Variants in TBC1D22A observed in about 807,000 individuals in gnomAD.
TBC1D22A encodes the protein TBC1 domain family member 22A.
In TBC1D22A, 38 loss-of-function variants were observed where a neutral mutation model predicts 60.2. That is an observed-to-expected ratio of 0.63 (90% CI 0.49 to 0.83). TBC1D22A has a LOEUF of 0.83. Among genes scored for constraint, TBC1D22A ranks in the 40% least tolerant of loss-of-function variants. TBC1D22A has a pLI of 0.00. For synonymous variants in TBC1D22A, 302 were observed against 281.7 expected (o/e 1.07, Z -0.72); for missense variants, 628 against 701.0 (o/e 0.90, Z 1.18).
intron 12 of TBC1D22A, among the ~76,000 whole-genome samples, chr22:47,136,249 G>A (rs373959027): frequency 6.6e-6 from 1 of 152,212 alleles, no homozygotes; most frequent in Non-Finnish European, 1.5e-5. Context: ...CCTAGGAGCA[G>A]TGAGGGTCCT....
chr22:47,000,334 G>T (rs549467952), intron 10 of TBC1D22A, among the ~76,000 whole-genome samples: 2 of 152,232 alleles, frequency 1.3e-5, no homozygotes, highest in South Asian at 4.2e-4. Flanking sequence ...AGGGCAGATC[G>T]GAAGAGGGGC....
At chr22:46,815,962 C>G (rs184489875) in intron 4 of TBC1D22A, among the ~76,000 whole-genome samples, 1 of 152,136 alleles carries the variant, frequency 6.6e-6, no homozygotes, top group African/African-American at 2.4e-5. Flanking sequence ...GCAGGTAGGT[C>G]CCACTGCAGC....
At chr22:47,024,422 C>T (rs549528694) in intron 10 of TBC1D22A, among the ~76,000 whole-genome samples, 66 of 152,216 alleles carry the variant, frequency 4.3e-4, no homozygotes, top group African/African-American at 1.5e-3. Context: ...AAAGGCAGAT[C>T]GTGTTAGATT....
At chr22:47,115,556 C>T (rs1026685260) in intron 12 of TBC1D22A, among the ~76,000 whole-genome samples, 33 of 152,296 alleles carry the variant, frequency 2.2e-4, no homozygotes, top group Non-Finnish European at 3.5e-4. Context: ...CCGCGGTGCC[C>T]GCTTGGTGCC....
intron 12 of TBC1D22A, among the ~76,000 whole-genome samples, chr22:47,147,083 C>T (rs868321642): frequency 8.5e-5 from 13 of 152,354 alleles, no homozygotes; most frequent in African/African-American, 3.1e-4. Context: ...CAGCCAGCCG[C>T]CCAGCCTGAG....
intron 10 of TBC1D22A, among the ~76,000 whole-genome samples, chr22:46,999,400 T>C (rs891289991): frequency 1.3e-5 from 2 of 152,238 alleles, no homozygotes; most frequent in Non-Finnish European, 2.9e-5. Flanking sequence ...TGTGTTGCCG[T>C]TGAGAGGTTA....
intron 11 of TBC1D22A, among the ~76,000 whole-genome samples, chr22:47,073,507 C>T (rs939539028): frequency 6.6e-6 from 1 of 152,124 alleles, no homozygotes; most frequent in South Asian, 2.1e-4. Context: ...CGGGGAAAAA[C>T]CATGAAGCCT....
intron 11 of TBC1D22A, among the ~76,000 whole-genome samples, chr22:47,072,785 A>G (rs79846256): frequency 0.015 from 2,267 of 152,356 alleles, 49 homozygotes; most frequent in African/African-American, 0.052. Context: ...GTGGAGACAG[A>G]ACCTGCCCTC....
At chr22:46,923,870 T>C (rs1362539735) in intron 8 of TBC1D22A, among the ~76,000 whole-genome samples, 1 of 152,262 alleles carries the variant, frequency 6.6e-6, no homozygotes, top group Non-Finnish European at 1.5e-5. Flanking sequence ...TAATGCTCTA[T>C]TGAGATCATG....
intron 10 of TBC1D22A, among the ~76,000 whole-genome samples, chr22:47,016,440 A>G (rs972454646): frequency 6.6e-6 from 1 of 151,782 alleles, no homozygotes; most frequent in African/African-American, 2.4e-5. Context: ...CATGATACTC[A>G]CTGTTAAGTG....
chr22:47,141,747 TGGGAAGAAGGAAGAA>T (rs528315295), intron 12 of TBC1D22A, among the ~76,000 whole-genome samples: 170 of 152,020 alleles, frequency 1.1e-3, no homozygotes, highest in African/African-American at 3.8e-3. Context: ...CCCAGAAAGG[TGGGAAGAAGGAAGAA>T]GGGAAGGAGA....
intron 8 of TBC1D22A, chr22:46,913,636 A>G (rs1172915530): frequency 1.0e-6 from 1 of 985,286 alleles, no homozygotes. Flanking sequence ...AGATAATGAA[A>G]ATGCTCTTAA....
At chr22:47,114,871 C>CT (rs2065974827) in intron 12 of TBC1D22A, among the ~76,000 whole-genome samples, 1 of 152,100 alleles carries the variant, frequency 6.6e-6, no homozygotes, top group African/African-American at 2.4e-5. Context: ...TCACGCTGCC[C>CT]CTTAATTCCC....
chr22:46,954,391 C>T (rs1328235834), intron 8 of TBC1D22A, among the ~76,000 whole-genome samples: 4 of 152,204 alleles, frequency 2.6e-5, no homozygotes, highest in African/African-American at 9.6e-5. Flanking sequence ...TGTGCTCATT[C>T]CTATCTGTTG....
intron 7 of TBC1D22A, among the ~76,000 whole-genome samples, chr22:46,903,521 G>C (rs370649139): frequency 2.0e-5 from 3 of 152,182 alleles, no homozygotes; most frequent in South Asian, 4.1e-4. Context: ...CCTAGCTCTC[G>C]CCTCTGGTTG....
chr22:46,911,956 TC>T lies in TBC1D22A; in HGVS notation c.901-117del, dbSNP rs547679399. 2.3e-4 allele frequency: 158 copies of T among 674,738 alleles called. No individual in the cohort carries two copies. The African/African-American group carries it at 2.7e-3, about 12-fold the overall frequency. The allele number at this position is 674,738 out of a possible 1,614,324, so 41.8% of individuals were successfully genotyped here. On this transcript the variant is annotated intron_variant, in intron 7 of 12. Coordinates refer to ENST00000337137, the MANE Select transcript of TBC1D22A (RefSeq NM_014346.5). ...AAATTGATATTTGTTTATATTTGTA[TC>T]TTAATATTAGGAGCAATGAGAAAAT...
At chr22:46,972,267 A>G (rs753230812) in intron 8 of TBC1D22A, among the ~76,000 whole-genome samples, 4 of 152,102 alleles carry the variant, frequency 2.6e-5, no homozygotes, top group Non-Finnish European at 5.9e-5. Flanking sequence ...TTCCCCTTTA[A>G]TTCATGAGCA....
intron 4 of TBC1D22A, among the ~76,000 whole-genome samples, chr22:46,808,311 T>G (rs1204147055): frequency 1.3e-5 from 2 of 152,016 alleles, no homozygotes; most frequent in Admixed American, 6.5e-5. Flanking sequence ...TGAGCCGAGA[T>G]TGTGCCATTG....
At chr22:47,070,199 G>A (rs543321040) in intron 11 of TBC1D22A, among the ~76,000 whole-genome samples, 9 of 149,944 alleles carry the variant, frequency 6.0e-5, no homozygotes, top group Non-Finnish European at 4.4e-5. Context: ...TTGGTTGGAC[G>A]CTGTCCCCTG....
Sources: gnomAD v4.1 joint callset for allele counts (sites outside exome capture counted in the v4.1 genomes callset) on GRCh38, gnomAD v4.1.1 for gene constraint, MANE v1.5 for transcripts, NCBI Gene and HGNC (gene_info 2026-07-23, HGNC 2026-07-21) for gene names.